TLR6: variants seen among roughly 807,000 people sequenced by gnomAD.
The protein encoded by TLR6 is toll-like receptor 6.
TLR6 carries 9 observed loss-of-function variants against 16.1 expected under a neutral mutation model. The ratio of observed to expected loss-of-function variants is 0.56; its 90% CI spans 0.34 to 0.98. The LOEUF is 0.98. Ranked by LOEUF, TLR6 falls within the 50% of genes least tolerant of loss-of-function variation. The pLI is 0.02. For missense variants in TLR6, 786 were observed against 921.0 expected, an observed-to-expected ratio of 0.85 and a Z score of 1.90; for synonymous variants, 340 against 338.6, an observed-to-expected ratio of 1.00 and a Z score of -0.04.
At chr4:38,868,050 G>A in the TLR6 span, 2 of 426,190 alleles carry the variant, frequency 4.7e-6, no homozygotes, top group Admixed American at 5.0e-5. Context: ...CGTGGGTGCG[G>A]GCGTGTGAGT....
At chr4:38,861,445 C>G (rs969241077), upstream of TLR6, among the ~76,000 whole-genome samples, 2 of 152,222 alleles carry the variant, frequency 1.3e-5, no homozygotes, top group African/African-American at 2.4e-5. Flanking sequence ...ACCTCCAACT[C>G]TTCCTCCAGT....
intron 1 of TLR6, among the ~76,000 whole-genome samples, chr4:38,840,631 C>T (rs1175313237): frequency 7.6e-6 from 1 of 131,878 alleles, no homozygotes; most frequent in Admixed American, 7.4e-5. Flanking sequence ...AAGACTCCCT[C>T]TCAAAAAAAA....
At chr4:38,855,440 A>C (rs887846651) in intron 1 of TLR6, among the ~76,000 whole-genome samples, 1 of 152,180 alleles carries the variant, frequency 6.6e-6, no homozygotes, top group Admixed American at 6.5e-5. Flanking sequence ...ATAATCCAAA[A>C]AAGTTATCGT....
intron 1 of TLR6, among the ~76,000 whole-genome samples, chr4:38,838,460 T>C (rs1004562197): frequency 6.6e-6 from 1 of 152,210 alleles, no homozygotes; most frequent in African/African-American, 2.4e-5. Flanking sequence ...TGGATGGACC[T>C]GGAGGTCATT....
At chr4:38,859,536 A>ATTC (rs1374457392), upstream of TLR6, among the ~76,000 whole-genome samples, 7 of 151,852 alleles carry the variant, frequency 4.6e-5, no homozygotes, top group Non-Finnish European at 4.4e-5. Flanking sequence ...ACCTTTGAGC[A>ATTC]GAAGAACTAA....
At chr4:38,840,959 G>A (rs919512856) in intron 1 of TLR6, among the ~76,000 whole-genome samples, 1 of 152,102 alleles carries the variant, frequency 6.6e-6, no homozygotes, top group Admixed American at 6.5e-5. Flanking sequence ...ATTAATAATG[G>A]TGAAAGTTGG....
intron 1 of TLR6, among the ~76,000 whole-genome samples, chr4:38,842,512 G>A (rs181182984): frequency 3.4e-4 from 52 of 152,264 alleles, no homozygotes; most frequent in Non-Finnish European, 5.3e-4. Context: ...AAGAGGGGTG[G>A]GACTAAAATT....
chr4:38,861,445 C>T (rs969241077), upstream of TLR6, among the ~76,000 whole-genome samples: 2 of 152,222 alleles, frequency 1.3e-5, no homozygotes, highest in African/African-American at 4.8e-5. Context: ...ACCTCCAACT[C>T]TTCCTCCAGT....
At chr4:38,863,131 C>A in the TLR6 span, among the ~76,000 whole-genome samples, 14 of 152,028 alleles carry the variant, frequency 9.2e-5, no homozygotes, top group Admixed American at 5.9e-4. Context: ...CCAATGATCA[C>A]CACATTGCCA....
chr4:38,825,713 CT>C (rs1379274533), exon 2 of TLR6: 1 of 152,246 alleles, frequency 6.6e-6, no homozygotes, highest in Non-Finnish European at 1.5e-5. Context: ...GCTATAGTTT[CT>C]TTGCACAACA....
downstream of TLR6, among the ~76,000 whole-genome samples, chr4:38,823,325 A>C (rs986621127): frequency 6.6e-6 from 1 of 152,252 alleles, no homozygotes; most frequent in Non-Finnish European, 1.5e-5. Context: ...GCAACAGGCT[A>C]TACCATAAGC....
upstream of TLR6, among the ~76,000 whole-genome samples, chr4:38,858,311 G>A (rs1360050754): frequency 6.6e-6 from 1 of 152,156 alleles, no homozygotes; most frequent in Non-Finnish European, 1.5e-5. Context: ...TAAAGTGGCT[G>A]GAATAGTGAC....
chr4:38,862,362 C>A, the TLR6 span, among the ~76,000 whole-genome samples: 1 of 152,052 alleles, frequency 6.6e-6, no homozygotes, highest in African/African-American at 2.4e-5. Context: ...CTCACTGCAA[C>A]CTTCACCTCC....
At position 38,828,406 on chromosome 4, in the gene TLR6, C is replaced by T. The variant is rs535127887; in HGVS notation, c.1068G>A (p.Lys356=). 102 of 1,613,142 alleles carry T rather than the reference C, an allele frequency of 6.3e-5. 1 individual carries two copies. In the Middle Eastern group the frequency reaches 5.4e-3, roughly 86 times the overall value. Residue 356 remains lysine (K), a synonymous_variant, in exon 2 of 2, where the codon AAG becomes AAA. Transcript: ENST00000436693. Reference sequence around the variant, plus strand: ...AAACGTTCTGGGTAAAGTTCAAAAACTTGAATGTGCTTGGTGCATGAGGAC... The same window carrying T: ...AAACGTTCTGGGTAAAGTTCAAAAATTTGAATGTGCTTGGTGCATGAGGAC...
chr4:38,830,488 G>A (rs1413237221), intron 1 of TLR6, among the ~76,000 whole-genome samples: 2 of 152,198 alleles, frequency 1.3e-5, no homozygotes, highest in Non-Finnish European at 2.9e-5. Context: ...GGCAAGGCAG[G>A]TGGATTGCTT....
At chr4:38,859,664 A>T (rs1287012573), upstream of TLR6, among the ~76,000 whole-genome samples, 1 of 144,354 alleles carries the variant, frequency 6.9e-6, no homozygotes, top group Non-Finnish European at 1.5e-5. Context: ...TTCCCCACTC[A>T]GGCGATTCTC....
chr4:38,828,624 A>G (rs1396682067), exon 2 of TLR6: 1 of 1,614,022 alleles, frequency 6.2e-7, no homozygotes, highest in South Asian at 1.1e-5. Flanking sequence ...GTTAAATTGT[A>G]AATATTGAGA....
At chr4:38,859,387 G>C (rs59418626), upstream of TLR6, among the ~76,000 whole-genome samples, 1 of 152,064 alleles carries the variant, frequency 6.6e-6, no homozygotes, top group African/African-American at 2.4e-5. Context: ...CTGAGAGAAT[G>C]AATTTTTGTT....
At chr4:38,833,956 G>A (rs1203845918) in intron 1 of TLR6, among the ~76,000 whole-genome samples, 3 of 152,010 alleles carry the variant, frequency 2.0e-5, no homozygotes, top group Non-Finnish European at 4.4e-5. Context: ...GCCAGGTGCA[G>A]TGGCTCACAA....
Sources: allele counts gnomAD v4.1 joint callset (sites outside exome capture counted in the v4.1 genomes callset), GRCh38; gene constraint gnomAD v4.1.1; transcripts MANE v1.5; gene names NCBI Gene and HGNC (gene_info 2026-07-23, HGNC 2026-07-21).